PACRG: variants seen among roughly 807,000 people sequenced by gnomAD.
PACRG encodes the protein parkin coregulated gene protein.
In PACRG, 29 loss-of-function variants were observed where a neutral mutation model predicts 29.7. The ratio of observed to expected loss-of-function variants is 0.98; its 90% CI spans 0.73 to 1.33. PACRG has a LOEUF of 1.33. PACRG is among the 40% of genes most tolerant of loss of function. PACRG has a pLI of 0.00. For missense variants in PACRG, 279 were observed against 316.2 expected, an observed-to-expected ratio of 0.88 and a Z score of 0.89; for synonymous variants, 116 against 118.7, an observed-to-expected ratio of 0.98 and a Z score of 0.15.
chr6:162,764,364 A>T (rs915413531), intron 1 of PACRG, among the ~76,000 whole-genome samples: 17 of 151,706 alleles, frequency 1.1e-4, no homozygotes, highest in Middle Eastern at 3.4e-3. Flanking sequence ...GGTGTTATGG[A>T]TTAGATAATT....
At chr6:163,221,433 C>T (rs1781577262) in intron 4 of PACRG, among the ~76,000 whole-genome samples, 1 of 152,220 alleles carries the variant, frequency 6.6e-6, no homozygotes, top group Non-Finnish European at 1.5e-5. Context: ...CTACACCTCA[C>T]TGTGACTCTG....
chr6:162,847,728 C>T (rs530290909), intron 2 of PACRG, among the ~76,000 whole-genome samples: 28 of 151,962 alleles, frequency 1.8e-4, no homozygotes, highest in Non-Finnish European at 3.2e-4. Flanking sequence ...AAGGGGCCAA[C>T]AGCAGCATGC....
At chr6:163,137,124 G>A (rs1816967941) in intron 4 of PACRG, among the ~76,000 whole-genome samples, 2 of 152,258 alleles carry the variant, frequency 1.3e-5, no homozygotes, top group South Asian at 2.1e-4. Context: ...TGAAATAGGC[G>A]TTTTGTCTGG....
At chr6:162,768,124 C>G (rs1466912312) in intron 1 of PACRG, among the ~76,000 whole-genome samples, 1 of 152,046 alleles carries the variant, frequency 6.6e-6, no homozygotes, top group Non-Finnish European at 1.5e-5. Context: ...TCTTAAAGAG[C>G]ATGATTTACC....
intron 2 of PACRG, among the ~76,000 whole-genome samples, chr6:162,892,990 A>C (rs1794891266): frequency 9.5e-6 from 1 of 105,294 alleles, no homozygotes; most frequent in African/African-American, 2.7e-5. Context: ...CACCCCGGAG[A>C]AGAACCACCT....
chr6:163,264,181 G>A (rs1319138159), intron 4 of PACRG, among the ~76,000 whole-genome samples: 2 of 152,152 alleles, frequency 1.3e-5, no homozygotes, highest in Non-Finnish European at 2.9e-5. Context: ...TTCTCACGTC[G>A]AATCATTCAG....
chr6:163,024,026 T>G (rs1806887021), intron 2 of PACRG, among the ~76,000 whole-genome samples: 1 of 152,208 alleles, frequency 6.6e-6, no homozygotes, highest in African/African-American at 2.4e-5. Context: ...TTTGCTTGTT[T>G]AATCTATTGG....
intron 4 of PACRG, among the ~76,000 whole-genome samples, chr6:163,238,319 G>C (rs1782329232): frequency 6.6e-6 from 1 of 152,206 alleles, no homozygotes. Flanking sequence ...CAATAAGTGA[G>C]TTTTATATAC....
chr6:163,113,617 C>G (rs1469330993), intron 4 of PACRG, among the ~76,000 whole-genome samples: 1 of 151,872 alleles, frequency 6.6e-6, no homozygotes, highest in South Asian at 2.1e-4. Context: ...ACAAAACAAA[C>G]AAACAAAAAA....
At chr6:162,727,431 A>G (rs980812909), upstream of PACRG, among the ~76,000 whole-genome samples, 3 of 151,690 alleles carry the variant, frequency 2.0e-5, no homozygotes, top group Admixed American at 1.3e-4. Context: ...TCTTCATGAG[A>G]ACGCTCAGAG....
intron 4 of PACRG, among the ~76,000 whole-genome samples, chr6:163,311,257 A>C (rs1785402693): frequency 6.6e-6 from 1 of 152,132 alleles, no homozygotes; most frequent in African/African-American, 2.4e-5. Context: ...TCTGGCTTAA[A>C]CCATTGCTTT....
intron 1 of PACRG, among the ~76,000 whole-genome samples, chr6:162,758,283 C>G (rs1782084981): frequency 6.6e-6 from 1 of 152,038 alleles, no homozygotes; most frequent in Non-Finnish European, 1.5e-5. Context: ...TTTACAAGCT[C>G]TAGACTCTAG....
At chr6:162,999,313 A>G (rs571447701) in intron 2 of PACRG, among the ~76,000 whole-genome samples, 2 of 152,312 alleles carry the variant, frequency 1.3e-5, no homozygotes, top group African/African-American at 4.8e-5. Flanking sequence ...TCTGGTCCTC[A>G]CTGAGTGTAT....
intron 2 of PACRG, among the ~76,000 whole-genome samples, chr6:163,024,668 A>G (rs79393367): frequency 0.17 from 25,196 of 152,090 alleles, 2,341 homozygotes; most frequent in East Asian, 0.26. Context: ...GGACAGTATG[A>G]CCATTTTTAC....
intron 4 of PACRG, among the ~76,000 whole-genome samples, chr6:163,093,548 G>A (rs377619859): frequency 6.6e-6 from 1 of 152,176 alleles, no homozygotes; most frequent in East Asian, 1.9e-4. Context: ...TGGCATTAAA[G>A]CTTTTACAGC....
At chr6:162,804,667 T>C (rs1786167591) in intron 1 of PACRG, among the ~76,000 whole-genome samples, 1 of 152,064 alleles carries the variant, frequency 6.6e-6, no homozygotes, top group African/African-American at 2.4e-5. Flanking sequence ...GACTCTATAT[T>C]CTCCTGACCT....
intron 2 of PACRG, among the ~76,000 whole-genome samples, chr6:163,006,495 GA>G (rs1805128508): frequency 6.6e-6 from 1 of 151,604 alleles, no homozygotes; most frequent in Non-Finnish European, 1.5e-5. Context: ...TATGTTTACT[GA>G]TTTTTTTGTA....
intron 4 of PACRG, among the ~76,000 whole-genome samples, chr6:163,135,344 A>G (rs192491834): frequency 4.6e-5 from 7 of 152,232 alleles, no homozygotes; most frequent in East Asian, 1.9e-4. Context: ...ACACGCCACC[A>G]TGCCTGGCTA....
chr6:163,019,473 A>G (rs1806404526), intron 2 of PACRG, among the ~76,000 whole-genome samples: 1 of 151,860 alleles, frequency 6.6e-6, no homozygotes. Context: ...CAGTGGAGAG[A>G]TTTGTACTAG....
Sources: allele counts gnomAD v4.1 joint callset (sites outside exome capture counted in the v4.1 genomes callset), GRCh38; gene constraint gnomAD v4.1.1; transcripts MANE v1.5; gene names NCBI Gene and HGNC (gene_info 2026-07-23, HGNC 2026-07-21).